GLS: variants seen among roughly 807,000 people sequenced by gnomAD.
The protein encoded by GLS is glutaminase, also known as glutaminase kidney isoform, mitochondrial.
Under a neutral mutation model 86.7 loss-of-function variants are expected in GLS, and 36 were observed. That is an observed-to-expected ratio of 0.42 (90% CI 0.32 to 0.55). The LOEUF (loss-of-function observed/expected upper bound fraction) is 0.55, where lower values mean the gene tolerates loss of function less well. GLS is among the 20% of genes least tolerant of loss of function. GLS has a pLI of 0.17. For missense variants in GLS, 528 were observed against 833.4 expected, an observed-to-expected ratio of 0.63 and a Z score of 4.51; for synonymous variants, 317 against 305.9, an observed-to-expected ratio of 1.04 and a Z score of -0.38.
chr2:190,881,237 C>T lies in GLS; in HGVS notation c.153C>T (p.Ala51=), dbSNP rs1688153930. The T allele has an allele frequency of 2.1e-5, 26 of 1,249,870 alleles. No homozygotes were observed. The South Asian group carries it at 8.4e-4, about 40-fold the overall frequency. 77.4% of individuals were successfully genotyped at this position (1,249,870 alleles called of 1,614,324 possible). A position where few individuals can be genotyped will look rare whatever the true frequency, so the allele number is the denominator to read the frequency against. The change falls in exon 1 of 18, where the codon GCC becomes GCT. Residue 51 remains alanine (A), a synonymous_variant. Transcript: ENST00000320717. ...GGRPAAGPAA[A]ARLHPWWGGG... ...GGCCGGCCGCGGGCCCGGCTGCCGC[C>T]GCGCGACTCCACCCGTGGTGGGGCG...
At position 190,935,333 on chromosome 2, in the gene GLS, G is replaced by C. The variant is rs530018305; in HGVS notation, c.1650+3696G>C. On this transcript the variant is annotated intron_variant, in intron 14 of 17. Coordinates refer to ENST00000320717, the MANE Select transcript of GLS (RefSeq NM_014905.5). The surrounding 1 kb of genome is among the most constrained non-coding windows in gnomAD (Gnocchi z 4.2). ...TTTGTTTTGTTTTGTTTTTATAAAA[G>C]CAACTTCAACATTTTAAGTACAAAT... 424 of 258,062 alleles carry C rather than the reference G, an allele frequency of 1.6e-3. 2 individuals carry two copies. The highest frequency in any genetic ancestry group is 2.2e-3 in the Admixed American group (34 of 15,236). The allele number at this position is 258,062 out of a possible 1,614,324, so 16.0% of individuals were successfully genotyped here.
Position 190,913,983 on chromosome 2 carries a change from G to A in GLS, c.1038+3662G>A, listed in dbSNP as rs1372163692. Among the ~76,000 whole-genome samples, 1 of 151,898 alleles carries A rather than the reference G, an allele frequency of 6.6e-6. No individual in the cohort carries two copies. The highest frequency in any genetic ancestry group is 2.4e-5 in the African/African-American group (1 of 41,340). ...CAGGGCTAATTCTTTATAAAGCTAG[G>A]GTCTTGCCATATTGCCCAGGCTGGT... On this transcript the variant is annotated intron_variant, in intron 7 of 17. Transcript: ENST00000320717. This position sits in a 1 kb window ranked among gnomAD's most constrained non-coding sequence, Gnocchi z 6.1.
chr2:190,964,572 A>AGAT lies in GLS; in HGVS notation c.*1588_*1590dup. ...TCCTGCCACTGCCCTCCCATTACCT[A>AGAT]GATGGCACCTCCTTTGGTGAAACCA... is the stretch of plus-strand genomic sequence containing the variant. On this transcript the variant is annotated 3_prime_UTR_variant, in exon 18 of 18. Coordinates refer to ENST00000320717, the MANE Select transcript of GLS (RefSeq NM_014905.5). This position sits in a 1 kb window ranked among gnomAD's most constrained non-coding sequence, Gnocchi z 5.2. The AGAT allele has an allele frequency of 1.3e-5, 2 of 152,240 alleles. No individual in the cohort carries two copies. Among genetic ancestry groups the AGAT allele is most frequent in the Middle Eastern group, 3.4e-3 (1 of 294 alleles). The allele number at this position is 152,240 out of a possible 1,614,324, so 9.4% of individuals were successfully genotyped here.
At position 190,951,610 on chromosome 2, in the gene GLS, C is replaced by T. The variant is rs1690722634; in HGVS notation, c.1651-1955C>T. ...TTTGAGCGATGAAAACAGTTTTTATCTTTTTAGCAAAGTTGTAGTTAGGAT... is the reference window on the plus strand; with the variant it reads ...TTTGAGCGATGAAAACAGTTTTTATTTTTTTAGCAAAGTTGTAGTTAGGAT... On this transcript the variant is annotated intron_variant, in intron 14 of 17. Transcript: ENST00000320717. The surrounding 1 kb of genome is among the most constrained non-coding windows in gnomAD (Gnocchi z 4.2). Among the ~76,000 whole-genome samples, 3 of 152,032 alleles carry T rather than the reference C, an allele frequency of 2.0e-5. No individual in the cohort carries two copies. Among genetic ancestry groups the T allele is most frequent in the South Asian group, 4.1e-4 (2 of 4,824 alleles).
Position 190,956,955 on chromosome 2 carries a change from G to A in GLS, c.1853+2137G>A, listed in dbSNP as rs1196899776. ...CCTGTGATTTTTGCACATTGATTTT[G>A]TATCTTGAGACTTTGCTGAAGTTGC... On this transcript the variant is annotated intron_variant, in intron 17 of 17. Coordinates refer to ENST00000320717, the MANE Select transcript of GLS (RefSeq NM_014905.5). This position sits in a 1 kb window ranked among gnomAD's most constrained non-coding sequence, Gnocchi z 4.2. Among the ~76,000 whole-genome samples the A allele has an allele frequency of 1.3e-5, 2 of 152,176 alleles. No homozygotes were observed. Among genetic ancestry groups the A allele is most frequent in the Non-Finnish European group, 1.5e-5 (1 of 68,032 alleles).
chr2:190,933,054 T>C, intron 14 of GLS: 1 of 1,061,068 alleles, frequency 9.4e-7, no homozygotes, highest in African/African-American at 1.6e-5. Flanking sequence ...TGTTGGTCTT[T>C]AAAAAGTATT....
intron 14 of GLS, among the ~76,000 whole-genome samples, chr2:190,942,402 A>G (rs1270063938): frequency 2.0e-5 from 3 of 152,124 alleles, no homozygotes; most frequent in South Asian, 2.1e-4. Flanking sequence ...ACTTTAAAAA[A>G]GGGGAGAGAA....
intron 14 of GLS, among the ~76,000 whole-genome samples, chr2:190,940,198 T>C (rs1438260632): frequency 6.6e-6 from 1 of 151,962 alleles, no homozygotes; most frequent in Non-Finnish European, 1.5e-5. Context: ...ATATGCATCA[T>C]TGATCCAGGT....
chr2:190,894,171 T>C (rs1688653908), intron 1 of GLS, among the ~76,000 whole-genome samples: 2 of 152,320 alleles, frequency 1.3e-5, no homozygotes, highest in South Asian at 4.1e-4. Context: ...CTGTATATGT[T>C]AAGAGATTGG....
Position 190,924,352 on chromosome 2 carries a change from A to G in GLS, c.1198-191A>G, listed in dbSNP as rs1041014805. 1.3e-5 allele frequency among the ~76,000 whole-genome samples: 2 copies of G among 152,130 alleles called. No individual in the cohort carries two copies. Among genetic ancestry groups the G allele is most frequent in the South Asian group, 4.1e-4 (2 of 4,826 alleles). ...TCATTTTATCATTGTCAGTTAAACT[A>G]GTATCTAGAAACTTACATGATGTGA... On this transcript the variant is annotated intron_variant, in intron 10 of 17. Coordinates refer to ENST00000320717, the MANE Select transcript of GLS (RefSeq NM_014905.5). The surrounding 1 kb of genome is among the most constrained non-coding windows in gnomAD (Gnocchi z 5.2).
At chr2:190,931,232 A>T (rs1042341176) in intron 13 of GLS, among the ~76,000 whole-genome samples, 1 of 152,178 alleles carries the variant, frequency 6.6e-6, no homozygotes, top group Non-Finnish European at 1.5e-5. Flanking sequence ...GTACTTATTT[A>T]TATTTTAATG....
At chr2:190,900,184 A>G (rs2124838343) in intron 3 of GLS, among the ~76,000 whole-genome samples, 1 of 152,300 alleles carries the variant, frequency 6.6e-6, no homozygotes, top group South Asian at 2.1e-4. Context: ...ATTACTTGGT[A>G]AATAAACAAG....
Position 190,881,001 on chromosome 2 carries a change from C to T in GLS, c.-84C>T, listed in dbSNP as rs893548659. On this transcript the variant is annotated 5_prime_UTR_variant, in exon 1 of 18. Transcript: ENST00000320717. ...CTCTTCTGTCATCTCACCGCCCCAC[C>T]ACAGACCGCGTTCCCCGAGGAAACC... 12 of 1,444,416 alleles carry T rather than the reference C, an allele frequency of 8.3e-6. No individual in the cohort carries two copies. In the African/African-American group the frequency reaches 1.4e-4, roughly 17 times the overall value. 89.5% of individuals were successfully genotyped at this position (1,444,416 alleles called of 1,614,324 possible).
chr2:190,948,786 C>A (rs1690641445), intron 14 of GLS, among the ~76,000 whole-genome samples: 1 of 152,136 alleles, frequency 6.6e-6, no homozygotes, highest in East Asian at 1.9e-4. Flanking sequence ...GAGCAGAGTT[C>A]ACAGGAATGG....
At chr2:190,907,004 A>G (rs1689165618) in intron 6 of GLS, among the ~76,000 whole-genome samples, 3 of 142,336 alleles carry the variant, frequency 2.1e-5, no homozygotes, top group South Asian at 2.2e-4. Flanking sequence ...ATCTCGGCTT[A>G]CTGCAAGCTC....
chr2:190,956,807 A>G lies in GLS; in HGVS notation c.1853+1989A>G, dbSNP rs990528284. ...AGCAGTGGTTTGTAGTTCTCCTTGA[A>G]GAGGTCCTTCACATCCCTTGTAAGT... On this transcript the variant is annotated intron_variant, in intron 17 of 17. Transcript: ENST00000320717. This position sits in a 1 kb window ranked among gnomAD's most constrained non-coding sequence, Gnocchi z 4.2. 1.3e-5 allele frequency among the ~76,000 whole-genome samples: 2 copies of G among 152,112 alleles called. No homozygotes were observed. Among genetic ancestry groups the G allele is most frequent in the African/African-American group, 4.8e-5 (2 of 41,396 alleles).
chr2:190,924,563 C>T lies in GLS; in HGVS notation c.1218C>T (p.Asp406=), dbSNP rs148817792. ...TTTAGTGTTTTCCAGAAGGCACAGA[C>T]ATGGTTGGTATATTAGACTTCTACT... The part of the protein sequence containing the change: ...KEKKCFPEGT[D]MVGILDFYFQ... Residue 406 remains aspartate (D), a synonymous_variant, in exon 11 of 18, where the codon GAC becomes GAT. Transcript: ENST00000320717. This position sits in a 1 kb window ranked among gnomAD's most constrained non-coding sequence, Gnocchi z 5.2. 2.7e-5 allele frequency: 43 copies of T among 1,576,314 alleles called. No homozygotes were observed. The highest frequency in any genetic ancestry group is 2.6e-4 in the African/African-American group (19 of 74,250).
In GLS at chr2:190,938,183, G is replaced by A. The variant is rs1396867914; in HGVS notation, c.1650+6546G>A. Among the ~76,000 whole-genome samples, 4 of 151,234 alleles carry A rather than the reference G, an allele frequency of 2.6e-5. No homozygotes were observed. Among genetic ancestry groups the A allele is most frequent in the Admixed American group, 2.6e-4 (4 of 15,174 alleles). On this transcript the variant is annotated intron_variant, in intron 14 of 17. Coordinates refer to ENST00000320717, the MANE Select transcript of GLS (RefSeq NM_014905.5). The surrounding 1 kb of genome is among the most constrained non-coding windows in gnomAD (Gnocchi z 4.1). ...GTACATAGTATGATTAAAAATAATG[G>A]TATTTTTTCATTAGGTATTTACCTT...
At chr2:190,882,894 T>G (rs1688251781) in intron 1 of GLS, among the ~76,000 whole-genome samples, 1 of 152,214 alleles carries the variant, frequency 6.6e-6, no homozygotes, top group African/African-American at 2.4e-5. Flanking sequence ...TAATTTAATC[T>G]CATCTGGGAC....
Sources: gnomAD v4.1 joint callset for allele counts (sites outside exome capture counted in the v4.1 genomes callset) on GRCh38, gnomAD v4.1.1 for gene constraint, Gnocchi (gnomAD v3.1) non-coding constraint, MANE v1.5 for transcripts, NCBI Gene and HGNC (gene_info 2026-07-23, HGNC 2026-07-21) for gene names.